Variants in LHFPL6 observed in about 807,000 individuals in gnomAD.
The protein encoded by LHFPL6 is LHFPL tetraspan subfamily member 6, also known as LHFPL tetraspan subfamily member 6 protein.
LHFPL6 carries 9 observed loss-of-function variants against 20.6 expected under a neutral mutation model. That is an observed-to-expected ratio of 0.44 (90% CI 0.26 to 0.76). The LOEUF (loss-of-function observed/expected upper bound fraction) is 0.76, where lower values mean the gene tolerates loss of function less well. Among genes scored for constraint, LHFPL6 ranks in the 30% least tolerant of loss-of-function variants. The pLI is 0.20. For synonymous variants in LHFPL6, 105 were observed against 98.7 expected (o/e 1.06, Z -0.38); for missense variants, 218 against 253.5 (o/e 0.86, Z 0.95).
intron 2 of LHFPL6, among the ~76,000 whole-genome samples, chr13:39,456,785 A>G (rs964273394): frequency 2.0e-5 from 3 of 152,104 alleles, no homozygotes; most frequent in Admixed American, 2.0e-4. Context: ...GTGATATTGA[A>G]TTAGACAAAG....
chr13:39,584,363 C>T (rs1872380021), intron 2 of LHFPL6, among the ~76,000 whole-genome samples: 1 of 151,990 alleles, frequency 6.6e-6, no homozygotes, highest in South Asian at 2.1e-4. Flanking sequence ...CCCGTCTCTA[C>T]CAAAAATACA....
intron 2 of LHFPL6, among the ~76,000 whole-genome samples, chr13:39,382,484 G>A (rs542288625): frequency 2.9e-4 from 44 of 152,116 alleles, no homozygotes; most frequent in Non-Finnish European, 6.2e-4. Context: ...CTTACTCCTG[G>A]GTTCAAGTGA....
In LHFPL6 at chr13:39,602,513, G is replaced by C. The variant is rs1337167154; in HGVS notation, c.-175+370C>G. 3.9e-5 allele frequency among the ~76,000 whole-genome samples: 6 copies of C among 152,298 alleles called. No homozygotes were observed. The East Asian group carries it at 1.2e-3, about 29-fold the overall frequency. On this transcript the variant is annotated intron_variant, in intron 1 of 3. Transcript: ENST00000379589. Reference sequence around the variant, plus strand: ...GGAAGACCAGCAGGGGGTGGCCTGCGGGCAGGGGGCCCCCATCTCCAACTG... The same window carrying C: ...GGAAGACCAGCAGGGGGTGGCCTGCCGGCAGGGGGCCCCCATCTCCAACTG...
intron 2 of LHFPL6, among the ~76,000 whole-genome samples, chr13:39,406,199 C>T (rs1244963222): frequency 6.6e-6 from 1 of 152,080 alleles, no homozygotes; most frequent in Non-Finnish European, 1.5e-5. Context: ...TAACAATTTA[C>T]ATTGTTATGT....
In LHFPL6 at chr13:39,453,980, A is replaced by G. The variant is rs545063642; in HGVS notation, c.386-75454T>C. On this transcript the variant is annotated intron_variant, in intron 2 of 3. Coordinates refer to ENST00000379589, the MANE Select transcript of LHFPL6 (RefSeq NM_005780.3). Reference sequence around the variant, plus strand: ...TGTATACGTGGACTTCCTAAGATACACTTCGATTGAGTTCTTTTATTGCAT... The same window carrying G: ...TGTATACGTGGACTTCCTAAGATACGCTTCGATTGAGTTCTTTTATTGCAT... Among the ~76,000 whole-genome samples the G allele has an allele frequency of 8.8e-4, 134 of 151,546 alleles. 1 individual carries two copies. The highest frequency in any genetic ancestry group is 1.8e-3 in the Non-Finnish European group (120 of 67,896).
rs1476421140 is a variant in LHFPL6 at position 39,463,129 on chromosome 13, G to A, written c.386-84603C>T. Among the ~76,000 whole-genome samples, 5 of 152,184 alleles carry A rather than the reference G, an allele frequency of 3.3e-5. No homozygotes were observed. The East Asian group carries it at 9.6e-4, about 29-fold the overall frequency. On this transcript the variant is annotated intron_variant, in intron 2 of 3. Coordinates refer to ENST00000379589, the MANE Select transcript of LHFPL6 (RefSeq NM_005780.3). ...TCGCTATTGCCAGCCCAGATTGAAA[G>A]ACAGTTGGAAAGATTCCGGGCTATG...
At chr13:39,375,287 G>A (rs993276971) in intron 3 of LHFPL6, among the ~76,000 whole-genome samples, 3 of 152,158 alleles carry the variant, frequency 2.0e-5, no homozygotes, top group African/African-American at 4.8e-5. Flanking sequence ...TTCCAGGTAC[G>A]CTCCCTATTT....
chr13:39,381,785 G>A (rs1870441480), intron 2 of LHFPL6, among the ~76,000 whole-genome samples: 1 of 149,168 alleles, frequency 6.7e-6, no homozygotes, highest in South Asian at 2.1e-4. Context: ...CAGATTCAGA[G>A]AGACTCCCGG....
chr13:39,545,886 C>G (rs1237910505), intron 2 of LHFPL6, among the ~76,000 whole-genome samples: 1 of 152,102 alleles, frequency 6.6e-6, no homozygotes, highest in Non-Finnish European at 1.5e-5. Context: ...GCCCTATCAA[C>G]ATAGTGAGGC....
chr13:39,552,622 C>T (rs1342079688), intron 2 of LHFPL6, among the ~76,000 whole-genome samples: 1 of 152,176 alleles, frequency 6.6e-6, no homozygotes, highest in Non-Finnish European at 1.5e-5. Flanking sequence ...GAATGATATT[C>T]AAAGGCTCTG....
intron 2 of LHFPL6, among the ~76,000 whole-genome samples, chr13:39,430,110 G>T (rs1444819340): frequency 6.6e-6 from 1 of 152,154 alleles, no homozygotes; most frequent in Non-Finnish European, 1.5e-5. Context: ...CCTTCTTGTG[G>T]ATTTAAATAC....
At chr13:39,363,776 G>A (rs1379205662) in intron 3 of LHFPL6, among the ~76,000 whole-genome samples, 1 of 152,110 alleles carries the variant, frequency 6.6e-6, no homozygotes, top group Non-Finnish European at 1.5e-5. Flanking sequence ...TTGGGTACTT[G>A]CACCACATAA....
intron 2 of LHFPL6, among the ~76,000 whole-genome samples, chr13:39,506,022 T>A (rs982662672): frequency 6.6e-6 from 1 of 152,184 alleles, no homozygotes; most frequent in East Asian, 1.9e-4. Context: ...AAAGCCTGCA[T>A]TCAAAACTGA....
At chr13:39,367,134 A>C (rs1453764460) in intron 3 of LHFPL6, among the ~76,000 whole-genome samples, 2 of 152,218 alleles carry the variant, frequency 1.3e-5, no homozygotes, top group Non-Finnish European at 2.9e-5. Context: ...ACTCATTTTC[A>C]CAGATGTGAT....
At chr13:39,486,714 A>C (rs1443077284) in intron 2 of LHFPL6, among the ~76,000 whole-genome samples, 1 of 152,204 alleles carries the variant, frequency 6.6e-6, no homozygotes, top group Non-Finnish European at 1.5e-5. Context: ...AGCAGGGGTC[A>C]CTTTGAGCCT....
chr13:39,512,175 T>G (rs1010009834), intron 2 of LHFPL6, among the ~76,000 whole-genome samples: 1 of 152,228 alleles, frequency 6.6e-6, no homozygotes, highest in African/African-American at 2.4e-5. Context: ...CTTACCTTCT[T>G]CTTCCTGCTT....
rs866601087 is a variant in LHFPL6, at chr13:39,515,007, G to A, written c.385+85825C>T. On this transcript the variant is annotated intron_variant, in intron 2 of 3. Coordinates refer to ENST00000379589, the MANE Select transcript of LHFPL6 (RefSeq NM_005780.3). ...AATTCAATAAATAACTCCCAAATCAGCCCTACACATTCCTTTGAGGACCAT... is the reference window on the plus strand; with the variant it reads ...AATTCAATAAATAACTCCCAAATCAACCCTACACATTCCTTTGAGGACCAT... Among the ~76,000 whole-genome samples, 37 of 152,300 alleles carry A rather than the reference G, an allele frequency of 2.4e-4. 1 individual carries two copies. The Middle Eastern group carries it at 0.014, about 56-fold the overall frequency.
chr13:39,524,179 T>C (rs946846733), intron 2 of LHFPL6, among the ~76,000 whole-genome samples: 4 of 152,094 alleles, frequency 2.6e-5, no homozygotes, highest in Non-Finnish European at 2.9e-5. Context: ...AAGAAGTAAA[T>C]ATTCAACAAA....
chr13:39,597,181 C>A (rs546351698), intron 2 of LHFPL6, among the ~76,000 whole-genome samples: 4 of 152,270 alleles, frequency 2.6e-5, no homozygotes, highest in Admixed American at 1.3e-4. Flanking sequence ...GACTAACGAT[C>A]AAACTAAACA....
Sources: gnomAD v4.1 joint callset for allele counts (sites outside exome capture counted in the v4.1 genomes callset) on GRCh38, gnomAD v4.1.1 for gene constraint, MANE v1.5 for transcripts, NCBI Gene and HGNC (gene_info 2026-07-23, HGNC 2026-07-21) for gene names.